APOOL: variants seen among roughly 807,000 people sequenced by gnomAD.
APOOL encodes apolipoprotein O like.
In APOOL, 12 loss-of-function variants were observed where a neutral mutation model predicts 23.1. The observed-to-expected ratio is 0.52, with a 90% CI of 0.33 to 0.84. APOOL has a LOEUF of 0.84. Ranked by LOEUF, APOOL falls within the 40% of genes least tolerant of loss-of-function variation. The probability of loss-of-function intolerance (pLI) is 0.02; values close to 1 mark genes in which losing one functional copy is unlikely to be tolerated. For synonymous variants in APOOL, 77 were observed against 69.9 expected (o/e 1.10, Z -0.51); for missense variants, 212 against 199.6 (o/e 1.06, Z -0.37).
chrX:85,056,531 G>A (rs1316532085), intron 5 of APOOL, among the ~76,000 whole-genome samples: 1 of 111,214 alleles, frequency 9.0e-6, no homozygotes, highest in Non-Finnish European at 1.9e-5. Flanking sequence ...ATCACCTGAG[G>A]TCGGGAGTTT....
intron 5 of APOOL, among the ~76,000 whole-genome samples, chrX:85,058,901 A>G (rs1446294775): frequency 2.7e-5 from 3 of 109,556 alleles, no homozygotes; most frequent in Non-Finnish European, 5.7e-5. Context: ...TTATACTTTA[A>G]GTTTTAGGAT....
At chrX:85,056,600 G>A (rs776750121) in intron 5 of APOOL, among the ~76,000 whole-genome samples, 165 of 110,307 alleles carry the variant, frequency 1.5e-3, no homozygotes, top group Admixed American at 3.5e-3. Flanking sequence ...AAAATTAGCC[G>A]GGCTTGGTGG....
intron 8 of APOOL, among the ~76,000 whole-genome samples, chrX:85,079,318 C>T (rs1923989506): frequency 9.0e-6 from 1 of 111,360 alleles, no homozygotes. Flanking sequence ...TGAATTTTGT[C>T]GAAGGGTTTT....
chrX:85,070,922 C>T (rs1249518242), intron 6 of APOOL, among the ~76,000 whole-genome samples: 2 of 111,287 alleles, frequency 1.8e-5, no homozygotes, highest in Admixed American at 1.9e-4. Context: ...ACCTAAGTGT[C>T]TCTCAGTAGA....
chrX:85,059,874 T>C (rs976242320), intron 5 of APOOL, among the ~76,000 whole-genome samples: 3 of 110,368 alleles, frequency 2.7e-5, no homozygotes, highest in Admixed American at 9.7e-5. Flanking sequence ...AGAAGCTCTT[T>C]AGTTTAATTA....
In APOOL at chrX:85,056,926, A is replaced by G. The variant is rs12011662; in HGVS notation, c.394+1001A>G. 5.1e-3 allele frequency among the ~76,000 whole-genome samples: 571 copies of G among 111,421 alleles called. 5 individuals are homozygous for G. The highest frequency in any genetic ancestry group is 0.018 in the African/African-American group (548 of 30,668). On this transcript the variant is annotated intron_variant, in intron 5 of 8. Transcript: ENST00000373173. The stretch of plus-strand genomic sequence containing the variant: ...TTCTTCCCACTTCTAACTCCCAGAA[A>G]CACTGATCTGTTCTCTGTCACTATA...
At chrX:85,060,522 T>A (rs1417709608) in intron 5 of APOOL, among the ~76,000 whole-genome samples, 1 of 110,047 alleles carries the variant, frequency 9.1e-6, no homozygotes, top group Non-Finnish European at 1.9e-5. Flanking sequence ...CATGGAATGT[T>A]CTTCCATTTG....
At chrX:85,050,237 T>G (rs1481781727) in intron 2 of APOOL, among the ~76,000 whole-genome samples, 1 of 111,459 alleles carries the variant, frequency 9.0e-6, no homozygotes, top group African/African-American at 3.3e-5. Flanking sequence ...TCACACTGTC[T>G]TATGTTTTAT....
At position 85,051,411 on chromosome X, in the gene APOOL, C is replaced by T. The variant is rs186559353; in HGVS notation, c.143C>T (p.Pro48Leu). The T allele has an allele frequency of 2.9e-5, 35 of 1,207,969 alleles. No homozygotes were observed. The East Asian group carries it at 3.9e-4, about 13-fold the overall frequency. ...PEQLPIYTAP[P>L]LQSKYVEEQP... ...TAGCTCCCCATATATACTGCACCAC[C>T]GCTCCAGTCTAAATATGTTGAAGAG... Residue 48 changes from proline to leucine, a missense_variant, in exon 3 of 9, where the codon CCG becomes CTG. Physicochemically the swap from Pro to Leu is moderately conservative, Grantham distance 98 (BLOSUM62 -3). Coordinates refer to ENST00000373173, the MANE Select transcript of APOOL (RefSeq NM_198450.6).
At position 85,021,276 on chromosome X, in the gene APOOL, C is replaced by T. The variant is rs569865; in HGVS notation, c.15+17349C>T. Among the ~76,000 whole-genome samples, 100 of 111,164 alleles carry T rather than the reference C, an allele frequency of 9.0e-4. 1 individual carries two copies. Among genetic ancestry groups the T allele is most frequent in the African/African-American group, 2.9e-3 (88 of 30,616 alleles). ...GCCCCAGAACCCAGGCCAGTCCTTT[C>T]AGACTTAGCCTCTAGACAAGCACCT... On this transcript the variant is annotated intron_variant, in intron 1 of 8. Transcript: ENST00000373173.
intron 1 of APOOL, among the ~76,000 whole-genome samples, chrX:85,012,651 C>T (rs1319364979): frequency 8.9e-6 from 1 of 111,792 alleles, no homozygotes; most frequent in Non-Finnish European, 1.9e-5. Context: ...TGATGTATCA[C>T]GTTTATTGAC....
rs186415445 is a variant in APOOL, at chrX:85,010,176, C to G, written c.15+6249C>G. On this transcript the variant is annotated intron_variant, in intron 1 of 8. Transcript: ENST00000373173. ...ATGAGACTTCCTGTTTCTCCATGTTCTCCCCAGCATTTACCGTCGTCAATG... is the reference window on the plus strand; with the variant it reads ...ATGAGACTTCCTGTTTCTCCATGTTGTCCCCAGCATTTACCGTCGTCAATG... 4.5e-5 allele frequency among the ~76,000 whole-genome samples: 5 copies of G among 111,615 alleles called. No individual in the cohort carries two copies. The East Asian group carries it at 1.4e-3, about 31-fold the overall frequency.
At chrX:85,072,023 G>A (rs1923684171) in intron 6 of APOOL, among the ~76,000 whole-genome samples, 1 of 111,770 alleles carries the variant, frequency 8.9e-6, no homozygotes, top group Non-Finnish European at 1.9e-5. Flanking sequence ...CAGGAGAATG[G>A]GCATGAATCT....
intron 3 of APOOL, among the ~76,000 whole-genome samples, chrX:85,052,702 C>T (rs1295208012): frequency 2.7e-5 from 3 of 111,424 alleles, no homozygotes; most frequent in South Asian, 3.7e-4. Context: ...TCTTATGGTA[C>T]TAGTTGTACT....
At position 85,011,543 on chromosome X, in the gene APOOL, ATTC is replaced by A. The variant is rs1921280906; in HGVS notation, c.15+7621_15+7623del. 1.8e-5 allele frequency among the ~76,000 whole-genome samples: 2 copies of A among 111,519 alleles called. 1 individual carries two copies. Among genetic ancestry groups the A allele is most frequent in the Non-Finnish European group, 3.8e-5 (2 of 53,028 alleles). ...AGGTGAGAGATAAGGATCCAGTTTAATTCTTCTACATGTGGCTTGCCAGTTATT... is the reference window on the plus strand; with the variant it reads ...AGGTGAGAGATAAGGATCCAGTTTAATTCTACATGTGGCTTGCCAGTTATT... On this transcript the variant is annotated intron_variant, in intron 1 of 8. Coordinates refer to ENST00000373173, the MANE Select transcript of APOOL (RefSeq NM_198450.6).
intron 6 of APOOL, among the ~76,000 whole-genome samples, 192 bp downstream of exon 6, chrX:85,067,410 A>C (rs1421016349): frequency 9.0e-6 from 1 of 111,504 alleles, no homozygotes; most frequent in Non-Finnish European, 1.9e-5. Context: ...AATTTGTGTA[A>C]ATATAATTCA....
At chrX:85,032,635 T>C (rs1269717264) in intron 1 of APOOL, among the ~76,000 whole-genome samples, 1 of 112,273 alleles carries the variant, frequency 8.9e-6, no homozygotes, top group Non-Finnish European at 1.9e-5. Flanking sequence ...TTTGATACTT[T>C]CAAATATTAC....
At position 85,092,783 on chromosome X, in the gene APOOL, A is replaced by G. The variant is rs1924565684; in HGVS notation, c.*5105A>G. Reference sequence around the variant, plus strand: ...TTAAAATCTCAAAACTGATTTGCAAAGCCTTTATCATACAGAAAAGGTGTA... The same window carrying G: ...TTAAAATCTCAAAACTGATTTGCAAGGCCTTTATCATACAGAAAAGGTGTA... On this transcript the variant is annotated 3_prime_UTR_variant, in exon 9 of 9. Transcript: ENST00000373173. The G allele has an allele frequency of 1.1e-5, 4 of 360,156 alleles. No homozygotes were observed. Among genetic ancestry groups the G allele is most frequent in the Non-Finnish European group, 1.9e-5 (4 of 211,149 alleles). The allele number at this position is 360,156 out of a possible 1,213,427, so 29.7% of individuals were successfully genotyped here. A position where few individuals can be genotyped will look rare whatever the true frequency, so the allele number is the denominator to read the frequency against.
intron 8 of APOOL, among the ~76,000 whole-genome samples, chrX:85,087,280 T>A (rs988254871): frequency 2.7e-5 from 3 of 111,150 alleles, no homozygotes; most frequent in African/African-American, 9.8e-5. Context: ...CTGGTATCTA[T>A]AGGGTGCACA....
Sources: allele counts gnomAD v4.1 joint callset (sites outside exome capture counted in the v4.1 genomes callset), GRCh38; gene constraint gnomAD v4.1.1; transcripts MANE v1.5; gene names NCBI Gene and HGNC (gene_info 2026-07-23, HGNC 2026-07-21).